CTNND1: variants seen among roughly 807,000 people sequenced by gnomAD.
The protein encoded by CTNND1 is catenin delta 1, also known as catenin delta-1.
CTNND1 carries 16 observed loss-of-function variants against 112.1 expected under a neutral mutation model. The observed-to-expected ratio is 0.14, with a 90% CI of 0.10 to 0.22. The LOEUF is 0.22. Among genes scored for constraint, CTNND1 ranks in the 10% least tolerant of loss-of-function variants. The pLI, the probability that CTNND1 is intolerant of heterozygous loss-of-function variation, is 1.00. For synonymous variants in CTNND1, 420 were observed against 446.5 expected, an observed-to-expected ratio of 0.94 and a Z score of 0.75; for missense variants, 1,008 against 1,257.0, an observed-to-expected ratio of 0.80 and a Z score of 3.00.
intron 1 of CTNND1, among the ~76,000 whole-genome samples, chr11:57,771,877 G>A (rs1952719465): frequency 6.6e-6 from 1 of 151,970 alleles, no homozygotes; most frequent in African/African-American, 2.4e-5. Context: ...TGATAATAAG[G>A]CAGCTACTTA....
intron 11 of CTNND1, 195 bp downstream of exon 11, chr11:57,806,673 A>G (rs2062708577): frequency 3.1e-6 from 2 of 640,836 alleles, no homozygotes; most frequent in Non-Finnish European, 5.5e-6. Context: ...AGTCCCCATT[A>G]TCAGAACTCA....
At position 57,816,744 on chromosome 11, in the gene CTNND1, A is replaced by AT; in HGVS notation, c.*443dup. On this transcript the variant is annotated 3_prime_UTR_variant, in exon 21 of 21. Transcript: ENST00000399050. ...GATAAACTGACGATTCTTAATCAAG[A>AT]TTTTTTTCCTGATGGGGAAGGGACT... 6.1e-6 allele frequency: 1 copy of AT among 164,936 alleles called. No homozygotes were observed. Among genetic ancestry groups the AT allele is most frequent in the Non-Finnish European group, 1.3e-5 (1 of 76,452 alleles). 10.2% of individuals were successfully genotyped at this position (164,936 alleles called of 1,614,324 possible).
intron 4 of CTNND1, among the ~76,000 whole-genome samples, chr11:57,794,673 T>C (rs1463099940): frequency 1.3e-5 from 2 of 151,480 alleles, no homozygotes; most frequent in Admixed American, 6.6e-5. Flanking sequence ...TAATCCCAGC[T>C]ACTCGGGAGG....
chr11:57,805,806 A>T, intron 9 of CTNND1, 76 bp from the exon 10 acceptor site: 2 of 1,496,830 alleles, frequency 1.3e-6, no homozygotes, highest in Non-Finnish European at 1.8e-6. Context: ...TTAATACCTG[A>T]GTCATGGAAA....
In CTNND1 at chr11:57,772,017, G is replaced by A. The variant is rs192132436; in HGVS notation, c.-214+9898G>A. 4.4e-3 allele frequency among the ~76,000 whole-genome samples: 670 copies of A among 150,656 alleles called. 5 individuals carry two copies. Among genetic ancestry groups the A allele is most frequent in the Middle Eastern group, 0.017 (5 of 290 alleles). On this transcript the variant is annotated intron_variant, in intron 1 of 20. Transcript: ENST00000399050. ...GCTCAGTGCAGCCTCCGCCTCCCAC[G>A]CTCAAGCCATCCTCCCACCTCAGCC...
intron 18 of CTNND1, 93 bp from the exon 19 acceptor site, chr11:57,815,301 A>G (rs2137686648): frequency 1.4e-6 from 1 of 717,926 alleles, no homozygotes; most frequent in East Asian, 2.8e-5. Context: ...CTCAGTTCCC[A>G]ACAGTGATGC....
intron 6 of CTNND1, among the ~76,000 whole-genome samples, chr11:57,798,218 G>A (rs945733613): frequency 1.3e-4 from 19 of 150,004 alleles, no homozygotes; most frequent in Non-Finnish European, 2.1e-4. Flanking sequence ...GTTGTGGCTC[G>A]TGCCTGTAGT....
intron 1 of CTNND1, among the ~76,000 whole-genome samples, chr11:57,778,398 A>G (rs1321884804): frequency 6.6e-6 from 1 of 152,194 alleles, no homozygotes; most frequent in East Asian, 1.9e-4. Flanking sequence ...GATGTGTCAC[A>G]TGTAGCTGAG....
chr11:57,798,309 T>C (rs2061593068), intron 6 of CTNND1, among the ~76,000 whole-genome samples: 1 of 142,872 alleles, frequency 7.0e-6, no homozygotes, highest in South Asian at 2.2e-4. Context: ...ATCCCGCCAC[T>C]GCACTCCAGC....
At chr11:57,815,521 G>T (rs375062994) in intron 19 of CTNND1, 21 bp downstream of exon 19, 2 of 1,534,354 alleles carry the variant, frequency 1.3e-6, no homozygotes, top group African/African-American at 2.7e-5. Context: ...TTTATATACT[G>T]CTATCTGTCT....
rs572080634 is a variant in CTNND1, at chr11:57,818,030, C to T, written c.*1722C>T. ...CTCGTGCATTAAAATTTCTTATTTA[C>T]CCTTTTCCCCCTTCCCATTTCTTCC... On this transcript the variant is annotated 3_prime_UTR_variant, in exon 21 of 21. Coordinates refer to ENST00000399050, the MANE Select transcript of CTNND1 (RefSeq NM_001085458.2). 6.6e-6 allele frequency: 1 copy of T among 152,598 alleles called. No homozygotes were observed. Among genetic ancestry groups the T allele is most frequent in the South Asian group, 2.1e-4 (1 of 4,804 alleles). The allele number at this position is 152,598 out of a possible 1,614,324, so 9.5% of individuals were successfully genotyped here.
intron 12 of CTNND1, among the ~76,000 whole-genome samples, chr11:57,807,432 C>T (rs2062817726): frequency 1.3e-5 from 2 of 151,724 alleles, no homozygotes; most frequent in Non-Finnish European, 2.9e-5. Context: ...ATGGTGAAAC[C>T]CTGTCTCTAC....
In CTNND1 at chr11:57,795,864, C is replaced by T. The variant is rs2136895215; in HGVS notation, c.420+135C>T. On this transcript the variant is annotated intron_variant, in intron 5 of 20. Transcript: ENST00000399050. Reference sequence around the variant, plus strand: ...TCTGATTGCATGAAGTGATCTCTGGCCAGATAGAAAGGATGAAGAGATGGG... The same window carrying T: ...TCTGATTGCATGAAGTGATCTCTGGTCAGATAGAAAGGATGAAGAGATGGG... 5.1e-6 allele frequency: 5 copies of T among 980,758 alleles called. No individual in the cohort carries two copies. The South Asian group carries it at 7.8e-5, about 15-fold the overall frequency. The allele number at this position is 980,758 out of a possible 1,614,324, so 60.8% of individuals were successfully genotyped here.
At chr11:57,806,712 C>T (rs1282167948) in intron 11 of CTNND1, 4 of 630,568 alleles carry the variant, frequency 6.3e-6, no homozygotes, top group Non-Finnish European at 8.5e-6. Context: ...TGGTCATCCT[C>T]ATCTTACCTA....
chr11:57,769,052 A>G (rs932733877), intron 1 of CTNND1, among the ~76,000 whole-genome samples: 2 of 151,580 alleles, frequency 1.3e-5, no homozygotes, highest in Non-Finnish European at 1.5e-5. Flanking sequence ...CACACCTGTA[A>G]TCCCAGCACT....
chr11:57,810,010 C>A, intron 15 of CTNND1, 99 bp from the exon 16 acceptor site: 1 of 803,822 alleles, frequency 1.2e-6, no homozygotes, highest in Non-Finnish European at 1.8e-6. Flanking sequence ...TGTGCCCTGC[C>A]CCTGGCATTT....
rs370034423 is a variant in CTNND1 at position 57,809,320 on chromosome 11, G to A, written c.2289G>A (p.Gln763=). The change falls in exon 15 of 21, where the codon CAG becomes CAA. Residue 763 remains glutamine, a synonymous_variant. Transcript: ENST00000399050. ...TGGTAAAGAATCTGCCAGGAGGACA[G>A]CAGAACTCCTCTTGGAATTTCTCTG... ...PNLVKNLPGG[Q]QNSSWNFSED... is the part of the protein sequence containing the mutation. The A allele has an allele frequency of 1.1e-5, 18 of 1,613,904 alleles. No individual in the cohort carries two copies. Among genetic ancestry groups the A allele is most frequent in the Middle Eastern group, 1.7e-4 (1 of 6,058 alleles).
chr11:57,763,540 A>G (rs1002513214), intron 1 of CTNND1, among the ~76,000 whole-genome samples: 2 of 152,222 alleles, frequency 1.3e-5, no homozygotes, highest in African/African-American at 4.8e-5. Flanking sequence ...TCCTCCTTCA[A>G]ATACAACCTA....
rs540235874 is a variant in CTNND1, at chr11:57,791,973, T to G, written c.195+300T>G. Among the ~76,000 whole-genome samples, 7 of 151,870 alleles carry G rather than the reference T, an allele frequency of 4.6e-5. No homozygotes were observed. In the South Asian group the frequency reaches 1.4e-3, roughly 31 times the overall value. ...TAGATAGTTTAGTTTGCAGCTGTAC[T>G]CAAGTTACTTTTCTTTTCTGATTTT... On this transcript the variant is annotated intron_variant, in intron 3 of 20. Transcript: ENST00000399050.
Sources: allele counts gnomAD v4.1 joint callset (sites outside exome capture counted in the v4.1 genomes callset), GRCh38; gene constraint gnomAD v4.1.1; transcripts MANE v1.5; gene names NCBI Gene and HGNC (gene_info 2026-07-23, HGNC 2026-07-21).